The following ACSL5 variants were observed in gnomAD, a reference collection of about 807,000 sequenced individuals.
ACSL5 encodes the protein long-chain-fatty-acid--CoA ligase 5.
ACSL5 carries 50 observed loss-of-function variants against 84.9 expected under a neutral mutation model. The ratio of observed to expected loss-of-function variants is 0.59; its 90% confidence interval spans 0.47 to 0.75. The LOEUF is 0.75. ACSL5 is among the 30% of genes least tolerant of loss of function. The pLI is 0.00. For synonymous variants in ACSL5, 280 were observed against 300.7 expected, an observed-to-expected ratio of 0.93 and a Z score of 0.71; for missense variants, 775 against 830.4, an observed-to-expected ratio of 0.93 and a Z score of 0.82.
chr10:112,419,115 TG>T (rs1844396203), intron 14 of ACSL5, among the ~76,000 whole-genome samples: 1 of 145,830 alleles, frequency 6.9e-6, no homozygotes, highest in African/African-American at 2.6e-5. Flanking sequence ...TGTGTGTGTG[TG>T]TGTGTGTGTG....
chr10:112,426,421 C>A, intron 19 of ACSL5, 62 bp downstream of exon 19: 1 of 1,388,696 alleles, frequency 7.2e-7, no homozygotes, highest in African/African-American at 1.4e-5. Flanking sequence ...GAGAGGATGC[C>A]TCACCAGTTC....
At chr10:112,390,275 A>T (rs930324636) in intron 1 of ACSL5, among the ~76,000 whole-genome samples, 3 of 152,162 alleles carry the variant, frequency 2.0e-5, no homozygotes, top group Non-Finnish European at 4.4e-5. Context: ...GAAGCACATA[A>T]AAAAATGCTC....
At chr10:112,420,924 G>A (rs1403794277) in intron 14 of ACSL5, among the ~76,000 whole-genome samples, 1 of 152,120 alleles carries the variant, frequency 6.6e-6, no homozygotes, top group Non-Finnish European at 1.5e-5. Context: ...GTTTCACCAT[G>A]TTGGTCAGGC....
intron 3 of ACSL5, among the ~76,000 whole-genome samples, chr10:112,401,820 C>CT (rs762854519): frequency 9.2e-6 from 1 of 109,040 alleles, no homozygotes; most frequent in African/African-American, 3.0e-5. Flanking sequence ...TTCTTTCTTT[C>CT]TTTCTTTCTT....
At chr10:112,397,255 C>T (rs141346871) in intron 2 of ACSL5, among the ~76,000 whole-genome samples, 19 of 151,698 alleles carry the variant, frequency 1.3e-4, no homozygotes, top group Non-Finnish European at 2.1e-4. Context: ...CTGCAACCTC[C>T]GCTTCCCAGG....
intron 17 of ACSL5, chr10:112,424,729 T>C (rs1044035645): frequency 2.0e-5 from 3 of 152,204 alleles, no homozygotes; most frequent in Non-Finnish European, 4.4e-5. Context: ...ATTCTACAAT[T>C]CAAATCCCTA....
At chr10:112,402,665 C>T (rs1843935447) in intron 3 of ACSL5, among the ~76,000 whole-genome samples, 1 of 152,204 alleles carries the variant, frequency 6.6e-6, no homozygotes, top group African/African-American at 2.4e-5. Context: ...GTGGGTATCT[C>T]TTCCCTGCTT....
chr10:112,392,447 A>C, intron 1 of ACSL5, among the ~76,000 whole-genome samples: 1 of 120,314 alleles, frequency 8.3e-6, no homozygotes, highest in South Asian at 3.0e-4. Flanking sequence ...TCTTTACAAA[A>C]AATTAAAGAA....
intron 3 of ACSL5, among the ~76,000 whole-genome samples, chr10:112,401,847 C>T (rs7477424): frequency 0.099 from 7,821 of 79,282 alleles, 294 homozygotes; most frequent in East Asian, 0.28. Flanking sequence ...TTTCTTCCTT[C>T]CTTCCTTCCT....
At chr10:112,391,678 C>T (rs1021944086) in intron 1 of ACSL5, among the ~76,000 whole-genome samples, 1 of 152,110 alleles carries the variant, frequency 6.6e-6, no homozygotes, top group Non-Finnish European at 1.5e-5. Context: ...ATTAACAGAC[C>T]GTGATCCAAA....
intron 1 of ACSL5, among the ~76,000 whole-genome samples, chr10:112,390,655 A>G (rs74340729): frequency 5.4e-5 from 8 of 149,452 alleles, no homozygotes; most frequent in Non-Finnish European, 8.9e-5. Context: ...TAGATAGATA[A>G]ATAGATAGAT....
chr10:112,422,478 A>G (rs772503399), intron 17 of ACSL5, 37 bp downstream of exon 17: 8 of 1,553,444 alleles, frequency 5.1e-6, no homozygotes, highest in Non-Finnish European at 7.1e-6. Context: ...AGTCTATGCT[A>G]ATGGACTGAG....
chr10:112,376,436 G>A (rs764405309), intron 1 of ACSL5: 1 of 1,614,140 alleles, frequency 6.2e-7, no homozygotes, highest in Non-Finnish European at 8.5e-7. Flanking sequence ...GAGAGATGCG[G>A]CCCCCTCGCA....
At chr10:112,394,888 A>G (rs776130602) in intron 1 of ACSL5, 30 bp from the exon 2 acceptor site, 1 of 1,605,774 alleles carries the variant, frequency 6.2e-7, no homozygotes, top group Non-Finnish European at 8.5e-7. Flanking sequence ...CATTTCCTCT[A>G]AATTTTCTTT....
chr10:112,388,827 G>T (rs192972470), intron 1 of ACSL5, among the ~76,000 whole-genome samples: 111 of 152,258 alleles, frequency 7.3e-4, no homozygotes, highest in African/African-American at 2.6e-3. Flanking sequence ...TGACATTTGA[G>T]GTGAGGCCTG....
At chr10:112,421,852 C>A (rs1844473178) in intron 15 of ACSL5, 95 bp from the exon 16 acceptor site, 1 of 1,420,608 alleles carries the variant, frequency 7.0e-7, no homozygotes, top group African/African-American at 1.4e-5. Flanking sequence ...TTTCAGTCTT[C>A]CTCTTCTAGA....
chr10:112,380,795 A>C (rs1402311333), intron 1 of ACSL5, among the ~76,000 whole-genome samples: 1 of 151,874 alleles, frequency 6.6e-6, no homozygotes, highest in Admixed American at 6.6e-5. Context: ...ACAGGGTCAC[A>C]CTCTTGTCAC....
intron 1 of ACSL5, among the ~76,000 whole-genome samples, chr10:112,393,766 G>A (rs1843689978): frequency 6.6e-6 from 1 of 152,196 alleles, no homozygotes; most frequent in South Asian, 2.1e-4. Flanking sequence ...TCTGTGACTA[G>A]AACCTATAAG....
At chr10:112,411,204 G>C (rs1035720491) in intron 9 of ACSL5, among the ~76,000 whole-genome samples, 2 of 152,146 alleles carry the variant, frequency 1.3e-5, no homozygotes, top group African/African-American at 4.8e-5. Flanking sequence ...TTTCTTTGCA[G>C]CTGTGCTTCT....
Sources: allele counts gnomAD v4.1 joint callset (sites outside exome capture counted in the v4.1 genomes callset), GRCh38; gene constraint gnomAD v4.1.1; transcripts MANE v1.5; gene names NCBI Gene and HGNC (gene_info 2026-07-23, HGNC 2026-07-21).